RNF180: variants seen among roughly 807,000 people sequenced by gnomAD.
RNF180 encodes ring finger protein 180.
In RNF180, 38 loss-of-function variants were observed where a neutral mutation model predicts 59.2. The ratio of observed to expected loss-of-function variants is 0.64; its 90% CI spans 0.50 to 0.84. The LOEUF (loss-of-function observed/expected upper bound fraction) is 0.84, where lower values mean the gene tolerates loss of function less well. Among genes scored for constraint, RNF180 ranks in the 40% least tolerant of loss-of-function variants. RNF180 has a pLI of 0.00. For missense variants in RNF180, 705 were observed against 700.9 expected, an observed-to-expected ratio of 1.01 and a Z score of -0.07; for synonymous variants, 262 against 240.3, an observed-to-expected ratio of 1.09 and a Z score of -0.84.
intron 7 of RNF180, among the ~76,000 whole-genome samples, chr5:64,341,563 T>C (rs1745356911): frequency 6.6e-6 from 1 of 152,164 alleles, no homozygotes; most frequent in Admixed American, 6.5e-5. Context: ...TCTGGGAAAC[T>C]GTGGTCAGTC....
At chr5:64,281,231 A>AT (rs1741993721) in intron 5 of RNF180, among the ~76,000 whole-genome samples, 1 of 152,200 alleles carries the variant, frequency 6.6e-6, no homozygotes, top group Non-Finnish European at 1.5e-5. Context: ...TTCTGTATAT[A>AT]AAATCATATC....
chr5:64,264,144 CT>C lies in RNF180; in HGVS notation c.1227+46750del, dbSNP rs545870111. Among the ~76,000 whole-genome samples the C allele has an allele frequency of 2.1e-3, 312 of 152,188 alleles. 1 individual carries two copies. In the Middle Eastern group the frequency reaches 0.027, roughly 13 times the overall value. On this transcript the variant is annotated intron_variant, in intron 5 of 7. Coordinates refer to ENST00000389100, the MANE Select transcript of RNF180 (RefSeq NM_001113561.2). ...ATGAAATCTCTCTCCTCTCTTTTCC[CT>C]TATTGCCTTCTATCCAATATACATG...
intron 7 of RNF180, among the ~76,000 whole-genome samples, chr5:64,343,473 A>T (rs1396850735): frequency 1.3e-5 from 2 of 152,080 alleles, no homozygotes. Context: ...ATTTTCCAAA[A>T]CTGAAGACAG....
chr5:64,316,647 A>G (rs1469005579), intron 5 of RNF180, among the ~76,000 whole-genome samples: 1 of 152,174 alleles, frequency 6.6e-6, no homozygotes, highest in Non-Finnish European at 1.5e-5. Context: ...TAGGTCACTT[A>G]TTTTTAACCA....
At chr5:64,261,752 G>A (rs1744353266) in intron 5 of RNF180, among the ~76,000 whole-genome samples, 1 of 152,134 alleles carries the variant, frequency 6.6e-6, no homozygotes, top group Non-Finnish European at 1.5e-5. Context: ...AAACAAAGCT[G>A]CTCAAGTGAG....
chr5:64,355,125 A>T (rs1321360065), intron 7 of RNF180, among the ~76,000 whole-genome samples: 1 of 151,988 alleles, frequency 6.6e-6, no homozygotes, highest in Non-Finnish European at 1.5e-5. Flanking sequence ...ATTGGAAAAG[A>T]AGTAGTAAAA....
At chr5:64,348,486 A>G (rs753290142) in intron 7 of RNF180, among the ~76,000 whole-genome samples, 2 of 152,234 alleles carry the variant, frequency 1.3e-5, no homozygotes, top group African/African-American at 2.4e-5. Context: ...ACTGGTGGCC[A>G]TATAGGAGAT....
chr5:64,202,954 T>C (rs1751828181), intron 2 of RNF180, among the ~76,000 whole-genome samples: 2 of 152,352 alleles, frequency 1.3e-5, no homozygotes, highest in South Asian at 4.1e-4. Context: ...CCAGTGCTCA[T>C]AACCTCCACA....
chr5:64,334,638 T>C (rs1359941968), intron 7 of RNF180, among the ~76,000 whole-genome samples: 1 of 152,258 alleles, frequency 6.6e-6, no homozygotes, highest in African/African-American at 2.4e-5. Context: ...TGTTACTTAA[T>C]TTTGCTTGTC....
intron 2 of RNF180, among the ~76,000 whole-genome samples, chr5:64,202,250 A>C (rs1296956246): frequency 6.6e-6 from 1 of 152,196 alleles, no homozygotes; most frequent in African/African-American, 2.4e-5. Flanking sequence ...GGAATAATAC[A>C]GCATGCATTC....
intron 5 of RNF180, among the ~76,000 whole-genome samples, chr5:64,227,155 G>T (rs1741818829): frequency 6.6e-6 from 1 of 152,206 alleles, no homozygotes; most frequent in Non-Finnish European, 1.5e-5. Context: ...GGGCAGAGAG[G>T]CGTCAGCATC....
intron 7 of RNF180, among the ~76,000 whole-genome samples, chr5:64,335,735 T>C (rs1478356298): frequency 6.6e-6 from 1 of 152,142 alleles, no homozygotes; most frequent in Admixed American, 6.5e-5. Context: ...AAGAGTGTCT[T>C]GGCCATTTTT....
At chr5:64,271,038 T>C (rs1741367781) in intron 5 of RNF180, among the ~76,000 whole-genome samples, 2 of 152,152 alleles carry the variant, frequency 1.3e-5, no homozygotes, top group South Asian at 4.1e-4. Context: ...ATAAAATACT[T>C]GATTTGAAGG....
intron 7 of RNF180, among the ~76,000 whole-genome samples, chr5:64,365,386 G>T (rs981505487): frequency 1.3e-5 from 2 of 151,624 alleles, no homozygotes; most frequent in Non-Finnish European, 3.0e-5. Flanking sequence ...TTTGATTTCA[G>T]TTTTAATTTT....
chr5:64,366,445 C>A (rs1362379611), intron 7 of RNF180, among the ~76,000 whole-genome samples: 2 of 151,226 alleles, frequency 1.3e-5, no homozygotes, highest in Non-Finnish European at 3.0e-5. Context: ...TTGGGGATAA[C>A]CTTCTTACTA....
intron 5 of RNF180, among the ~76,000 whole-genome samples, chr5:64,294,321 T>C (rs1180657102): frequency 6.6e-6 from 1 of 152,208 alleles, no homozygotes; most frequent in Admixed American, 6.5e-5. Flanking sequence ...TCACATTAAA[T>C]GCATGTATCA....
At position 64,256,433 on chromosome 5, in the gene RNF180, C is replaced by T. The variant is rs371795021; in HGVS notation, c.1227+39037C>T. Among the ~76,000 whole-genome samples the T allele has an allele frequency of 1.4e-4, 22 of 152,146 alleles. No homozygotes were observed. The East Asian group carries it at 1.7e-3, about 12-fold the overall frequency. The stretch of plus-strand genomic sequence containing the variant: ...CTTTCTACATATGGCTAGCCAGTTT[C>T]CCCAGCACCATTTATTAAATAGGGA... On this transcript the variant is annotated intron_variant, in intron 5 of 7. Coordinates refer to ENST00000389100, the MANE Select transcript of RNF180 (RefSeq NM_001113561.2).
At chr5:64,170,435 G>A (rs1307069599) in intron 1 of RNF180, among the ~76,000 whole-genome samples, 1 of 152,098 alleles carries the variant, frequency 6.6e-6, no homozygotes, top group African/African-American at 2.4e-5. Context: ...AGTTGTGTTC[G>A]GGGTGTTTTT....
In RNF180 at chr5:64,330,155, T is replaced by C. The variant is rs1580263696; in HGVS notation, c.1454-126T>C. 1.5e-5 allele frequency: 10 copies of C among 686,644 alleles called. No homozygotes were observed. In the East Asian group the frequency reaches 2.9e-4, roughly 20 times the overall value. 42.5% of individuals were successfully genotyped at this position (686,644 alleles called of 1,614,324 possible). On this transcript the variant is annotated intron_variant, in intron 6 of 7. Transcript: ENST00000389100. Reference sequence around the variant, plus strand: ...AAAAAATGTTGAATCTATTTTTGTCTTCACTGACTTAAAGAGGTGTGAATT... The same window carrying C: ...AAAAAATGTTGAATCTATTTTTGTCCTCACTGACTTAAAGAGGTGTGAATT...
Sources: gnomAD v4.1 joint callset for allele counts (sites outside exome capture counted in the v4.1 genomes callset) on GRCh38, gnomAD v4.1.1 for gene constraint, MANE v1.5 for transcripts, NCBI Gene and HGNC (gene_info 2026-07-23, HGNC 2026-07-21) for gene names.